The following NF1 variants were observed in gnomAD, a reference collection of about 807,000 sequenced individuals.
NF1 encodes neurofibromin.
NF1 carries 122 observed loss-of-function variants against 325.7 expected under a neutral mutation model. The ratio of observed to expected loss-of-function variants is 0.37; its 90% CI spans 0.32 to 0.44. NF1 has a LOEUF of 0.44. Ranked by LOEUF, NF1 falls within the 20% of genes least tolerant of loss-of-function variation. The pLI is 1.00. For missense variants in NF1, 2,140 were observed against 3,415.4 expected, an observed-to-expected ratio of 0.63 and a Z score of 9.31; for synonymous variants, 1,091 against 1,186.0, an observed-to-expected ratio of 0.92 and a Z score of 1.65.
chr17:31,223,708 C>A, intron 16 of NF1, 141 bp downstream of exon 16: 1 of 786,736 alleles, frequency 1.3e-6, no homozygotes, highest in South Asian at 1.6e-5. Context: ...AATATGTATG[C>A]AGAGGACAAT....
chr17:31,347,185 G>A (rs1198984646), intron 48 of NF1, among the ~76,000 whole-genome samples: 2 of 151,036 alleles, frequency 1.3e-5, no homozygotes, highest in Non-Finnish European at 2.9e-5. Context: ...TAATTGAATA[G>A]TTAAGGTTTC....
chr17:31,277,896 A>G (rs1427070815), intron 36 of NF1, among the ~76,000 whole-genome samples: 3 of 152,196 alleles, frequency 2.0e-5, no homozygotes, highest in African/African-American at 7.2e-5. Context: ...AATCTCTAAT[A>G]TCTCAGTTTG....
At chr17:31,362,292 T>G (rs907350301) in intron 57 of NF1, 1 of 985,324 alleles carries the variant, frequency 1.0e-6, no homozygotes, top group Admixed American at 6.1e-5. Flanking sequence ...TTACAGATAC[T>G]GCAGCCACTG....
At chr17:31,371,604 A>G (rs762761614) in intron 57 of NF1, among the ~76,000 whole-genome samples, 38 of 152,204 alleles carry the variant, frequency 2.5e-4, no homozygotes, top group Non-Finnish European at 5.1e-4. Flanking sequence ...AAGTTCCATG[A>G]ATGTTTCTAG....
intron 8 of NF1, 73 bp from the exon 9 acceptor site, chr17:31,200,349 G>T: frequency 2.1e-6 from 3 of 1,414,306 alleles, no homozygotes; most frequent in Non-Finnish European, 3.0e-6. Context: ...CTGTTAATTT[G>T]CTATAATATT....
At chr17:31,351,056 A>G (rs555329754) in intron 50 of NF1, among the ~76,000 whole-genome samples, 2 of 152,192 alleles carry the variant, frequency 1.3e-5, no homozygotes, top group Non-Finnish European at 2.9e-5. Flanking sequence ...CATGGTATTC[A>G]ATAGTCTTAC....
intron 36 of NF1, among the ~76,000 whole-genome samples, chr17:31,312,479 G>A (rs1160432057): frequency 6.8e-6 from 1 of 148,078 alleles, no homozygotes; most frequent in Non-Finnish European, 1.5e-5. Context: ...AGATGGTGCC[G>A]CTGCACACCA....
chr17:31,320,546 G>A, intron 36 of NF1: 1 of 880,626 alleles, frequency 1.1e-6, no homozygotes. Context: ...AATAAGAAAT[G>A]TGATACGTTG....
intron 30 of NF1, chr17:31,251,342 T>C (rs9303642): frequency 0.41 from 83,352 of 205,302 alleles, 19,843 homozygotes; most frequent in African/African-American, 0.7. Flanking sequence ...CCCTGGACTT[T>C]AGCTCCTTTT....
intron 48 of NF1, among the ~76,000 whole-genome samples, chr17:31,347,069 T>C (rs1476629440): frequency 1.3e-5 from 2 of 151,612 alleles, no homozygotes; most frequent in Admixed American, 6.6e-5. Flanking sequence ...CCTAAAGTCT[T>C]TTGGGAATCC....
chr17:31,255,385 G>A (rs779612657), intron 31 of NF1, among the ~76,000 whole-genome samples: 3 of 151,780 alleles, frequency 2.0e-5, no homozygotes, highest in Non-Finnish European at 4.4e-5. Flanking sequence ...TGTATTATGA[G>A]GTAAAATTAC....
intron 29 of NF1, among the ~76,000 whole-genome samples, chr17:31,242,287 C>T (rs535283470): frequency 1.4e-5 from 2 of 140,150 alleles, no homozygotes; most frequent in South Asian, 4.6e-4. Flanking sequence ...ATATCTTTCC[C>T]TAGGTTTCAT....
At chr17:31,351,676 A>G (rs2151576084) in intron 50 of NF1, among the ~76,000 whole-genome samples, 1 of 152,334 alleles carries the variant, frequency 6.6e-6, no homozygotes, top group Admixed American at 6.5e-5. Context: ...TCGGCCTCCC[A>G]AAGTGTTGGG....
At chr17:31,335,296 A>ATATATATATATATATATATATGTAT (rs1440930498) in intron 40 of NF1, among the ~76,000 whole-genome samples, 1 of 50,100 alleles carries the variant, frequency 2.0e-5, no homozygotes. Flanking sequence ...ATATATATAT[A>ATATATATATATATATATATATGTAT]ATTATGCCTT....
rs2067267438 is a variant in NF1, at chr17:31,240,007, G to A, written c.3974+3986G>A. On this transcript the variant is annotated intron_variant, in intron 29 of 57. Transcript: ENST00000358273. ...TTGACCTCCTGACTTCAGGCGAGCC[G>A]CCTGTCTTGGCCTCCCAAAGTGCTG... Among the ~76,000 whole-genome samples the A allele has an allele frequency of 2.0e-5, 3 of 152,154 alleles. No individual in the cohort carries two copies. The South Asian group carries it at 6.2e-4, about 32-fold the overall frequency.
chr17:31,124,444 A>G (rs1057493650), intron 1 of NF1, among the ~76,000 whole-genome samples: 1 of 150,812 alleles, frequency 6.6e-6, no homozygotes, highest in Non-Finnish European at 1.5e-5. Flanking sequence ...TTTTAACTGC[A>G]CGTATAATAT....
intron 17 of NF1, among the ~76,000 whole-genome samples, chr17:31,225,643 A>G (rs1447990114): frequency 1.3e-5 from 2 of 152,186 alleles, no homozygotes; most frequent in Non-Finnish European, 2.9e-5. Context: ...GGATAAAAAC[A>G]AAGTATTTTG....
chr17:31,188,058 T>C (rs1314619764), intron 8 of NF1, among the ~76,000 whole-genome samples: 1 of 152,112 alleles, frequency 6.6e-6, no homozygotes, highest in Admixed American at 6.5e-5. Flanking sequence ...GCCCTGTGAT[T>C]AAGGTAAATG....
intron 51 of NF1, among the ~76,000 whole-genome samples, chr17:31,353,416 G>A (rs73277714): frequency 0.11 from 16,877 of 152,112 alleles, 2,533 homozygotes; most frequent in African/African-American, 0.34. Flanking sequence ...AGGATTGCTC[G>A]AGTCCAGGAG....
Sources: allele counts gnomAD v4.1 joint callset (sites outside exome capture counted in the v4.1 genomes callset), GRCh38; gene constraint gnomAD v4.1.1; transcripts MANE v1.5; gene names NCBI Gene and HGNC (gene_info 2026-07-23, HGNC 2026-07-21).